Variants in ARID2 observed in about 807,000 individuals in gnomAD.
The protein encoded by ARID2 is AT-rich interaction domain 2.
ARID2 carries 32 observed loss-of-function variants against 184.6 expected under a neutral mutation model. The observed-to-expected ratio is 0.17, with a 90% CI of 0.13 to 0.23. ARID2 has a LOEUF of 0.23. Ranked by LOEUF, ARID2 falls within the 10% of genes least tolerant of loss-of-function variation. The pLI is 1.00. For synonymous variants in ARID2, 836 were observed against 772.6 expected (o/e 1.08, Z -1.36); for missense variants, 1,696 against 2,197.6 (o/e 0.77, Z 4.56).
Position 45,790,376 on chromosome 12 carries a change from A to G in ARID2, c.285-21042A>G, listed in dbSNP as rs540211484. 2.3e-4 allele frequency among the ~76,000 whole-genome samples: 35 copies of G among 152,212 alleles called. No individual in the cohort carries two copies. In the South Asian group the frequency reaches 7.1e-3, roughly 31 times the overall value. Reference sequence around the variant, plus strand: ...TAGATTCAATATGTTGTGTTCTTCTAGTTTAAAAAACTTGGAATTTGGATT... The same window carrying G: ...TAGATTCAATATGTTGTGTTCTTCTGGTTTAAAAAACTTGGAATTTGGATT... On this transcript the variant is annotated intron_variant, in intron 3 of 20. Transcript: ENST00000334344.
chr12:45,741,421 C>T (rs1247452117), intron 3 of ARID2, among the ~76,000 whole-genome samples: 1 of 152,184 alleles, frequency 6.6e-6, no homozygotes, highest in African/African-American at 2.4e-5. Context: ...TGGTCTCAAA[C>T]TTCTGGGCTT....
chr12:45,890,467 TAAC>T (rs1944283231), intron 16 of ARID2, among the ~76,000 whole-genome samples: 2 of 152,230 alleles, frequency 1.3e-5, no homozygotes, highest in Non-Finnish European at 1.5e-5. Context: ...GGTAATGTCT[TAAC>T]AAGAAATGCC....
intron 3 of ARID2, among the ~76,000 whole-genome samples, chr12:45,763,070 C>T (rs1941709388): frequency 6.6e-6 from 1 of 152,158 alleles, no homozygotes; most frequent in Non-Finnish European, 1.5e-5. Context: ...GATTATTTCT[C>T]CAATGAGAAG....
intron 3 of ARID2, among the ~76,000 whole-genome samples, chr12:45,772,409 G>A (rs918562855): frequency 6.6e-6 from 1 of 152,128 alleles, no homozygotes; most frequent in South Asian, 2.1e-4. Flanking sequence ...GGGTAACATA[G>A]CAAGACCCTG....
In ARID2 at chr12:45,857,434, AATAGCAC is replaced by A. The variant is rs540140303; in HGVS notation, c.4774-3364_4774-3358del. The stretch of plus-strand genomic sequence containing the variant: ...GTACTGCCACTCAGATTTGTAGACC[AATAGCAC>A]ATTATAAAACTAAGAAAAGTATTAC... On this transcript the variant is annotated intron_variant, in intron 15 of 20. Transcript: ENST00000334344. 5.9e-3 allele frequency among the ~76,000 whole-genome samples: 898 copies of A among 152,318 alleles called. 6 individuals are homozygous for A. The highest frequency in any genetic ancestry group is 7.5e-3 in the Non-Finnish European group (510 of 68,020).
chr12:45,787,509 A>G (rs996584495), intron 3 of ARID2, among the ~76,000 whole-genome samples: 2 of 152,126 alleles, frequency 1.3e-5, no homozygotes, highest in African/African-American at 4.8e-5. Context: ...TGCTGGGATT[A>G]TAGGCTGAGC....
chr12:45,737,418 C>A (rs1192736717), intron 3 of ARID2, among the ~76,000 whole-genome samples: 1 of 151,364 alleles, frequency 6.6e-6, no homozygotes, highest in Admixed American at 6.6e-5. Context: ...GTTCTTTAGA[C>A]TGTCTTAAAT....
intron 2 of ARID2, among the ~76,000 whole-genome samples, chr12:45,730,436 TGCGGGGCGCCAGCCTGAG>T (rs1940962555): frequency 1.4e-5 from 2 of 141,028 alleles, no homozygotes; most frequent in Admixed American, 7.1e-5. Context: ...AATGCGGGCG[TGCGGGGCGCCAGCCTGAG>T]CCCCGCGCCC....
Position 45,852,086 on chromosome 12 carries a change from A to G in ARID2, c.3963A>G (p.Leu1321=), listed in dbSNP as rs2138175925. 1 of 1,614,156 alleles carries G rather than the reference A, an allele frequency of 6.2e-7. No homozygotes were observed. The highest frequency in any genetic ancestry group is 8.5e-7 in the Non-Finnish European group (1 of 1,180,014). ...AAAGTGAGACTAATCAGTGCTCACT[A>G]ATCAGTAATGGGCCATCATTGGAAT... ...KIQSETNQCS[L]ISNGPSLELG... The change falls in exon 15 of 21, where the codon CTA becomes CTG. Residue 1321 remains leucine (L), a synonymous_variant. Transcript: ENST00000334344.
At position 45,775,717 on chromosome 12, in the gene ARID2, A is replaced by G. The variant is rs561374412; in HGVS notation, c.285-35701A>G. On this transcript the variant is annotated intron_variant, in intron 3 of 20. Transcript: ENST00000334344. ...GATTCCACTTTAGGTATGCTCTAAA[A>G]TAAAGGCATACTGTGTTAATTTTAC... 3.3e-5 allele frequency among the ~76,000 whole-genome samples: 5 copies of G among 152,358 alleles called. No homozygotes were observed. The East Asian group carries it at 9.6e-4, about 29-fold the overall frequency.
At chr12:45,815,376 T>A (rs1469667951) in intron 4 of ARID2, among the ~76,000 whole-genome samples, 1 of 152,224 alleles carries the variant, frequency 6.6e-6, no homozygotes, top group Non-Finnish European at 1.5e-5. Context: ...CAATATATTC[T>A]TATTGTCAAG....
intron 20 of ARID2, among the ~76,000 whole-genome samples, chr12:45,895,160 T>G (rs960815858): frequency 7.9e-5 from 12 of 152,362 alleles, no homozygotes; most frequent in African/African-American, 2.9e-4. Flanking sequence ...TGTTTTTTTA[T>G]GTGGCTTTTT....
chr12:45,758,767 C>CAG (rs1328628677), intron 3 of ARID2, among the ~76,000 whole-genome samples: 1 of 152,042 alleles, frequency 6.6e-6, no homozygotes, highest in Non-Finnish European at 1.5e-5. Context: ...GCTAGCAGGG[C>CAG]AGAGTAAAAG....
Position 45,839,351 on chromosome 12 carries a change from T to A in ARID2, c.1353T>A (p.Ser451=), listed in dbSNP as rs1392097754. The change falls in exon 11 of 21, where the codon TCT becomes TCA. Residue 451 remains serine, a synonymous_variant. Coordinates refer to ENST00000334344, the MANE Select transcript of ARID2 (RefSeq NM_152641.4). ...TAGACATGTTAGTGTGTCTGGTTTC[T>A]ATGGATATTCAGATGTTTGGCCCTG... ...KSIDMLVCLV[S]MDIQMFGPDA... 1 of 1,612,150 alleles carries A rather than the reference T, an allele frequency of 6.2e-7. No individual in the cohort carries two copies.
At chr12:45,831,022 G>T (rs1943110553) in intron 6 of ARID2, among the ~76,000 whole-genome samples, 1 of 150,046 alleles carries the variant, frequency 6.7e-6, no homozygotes, top group Admixed American at 6.6e-5. Context: ...CATGCCACTA[G>T]TGACAGAACG....
At position 45,736,921 on chromosome 12, in the gene ARID2, C is replaced by A. The variant is rs565168778; in HGVS notation, c.284+5607C>A. 4.6e-5 allele frequency among the ~76,000 whole-genome samples: 7 copies of A among 152,242 alleles called. No homozygotes were observed. In the South Asian group the frequency reaches 1.5e-3, roughly 32 times the overall value. ...AAATAGTGTTTCACCAGTGTTTCAC[C>A]CCACAGTAAATAGTGTAACACCATC... On this transcript the variant is annotated intron_variant, in intron 3 of 20. Transcript: ENST00000334344.
At chr12:45,865,763 T>C (rs1259568029) in intron 16 of ARID2, among the ~76,000 whole-genome samples, 1 of 152,164 alleles carries the variant, frequency 6.6e-6, no homozygotes, top group Non-Finnish European at 1.5e-5. Flanking sequence ...GTAACTTTCT[T>C]TTCTCATACT....
chr12:45,883,605 C>A (rs1469098900), intron 16 of ARID2, among the ~76,000 whole-genome samples: 2 of 149,166 alleles, frequency 1.3e-5, no homozygotes, highest in Non-Finnish European at 1.5e-5. Flanking sequence ...TAAAAATATA[C>A]CCCCATTTTT....
At chr12:45,742,029 A>G (rs1343043076) in intron 3 of ARID2, among the ~76,000 whole-genome samples, 1 of 152,172 alleles carries the variant, frequency 6.6e-6, no homozygotes, top group African/African-American at 2.4e-5. Context: ...CTAGTTCTCT[A>G]CAATAGTATA....
Sources: allele counts gnomAD v4.1 joint callset (sites outside exome capture counted in the v4.1 genomes callset), GRCh38; gene constraint gnomAD v4.1.1; transcripts MANE v1.5; gene names NCBI Gene and HGNC (gene_info 2026-07-23, HGNC 2026-07-21).